GRIP1: variants seen among roughly 807,000 people sequenced by gnomAD.
GRIP1 encodes the protein glutamate receptor interacting protein 1.
A neutral mutation model predicts 129.9 loss-of-function variants in GRIP1; 45 were observed. The observed-to-expected ratio is 0.35, with a 90% CI of 0.27 to 0.44. The LOEUF (loss-of-function observed/expected upper bound fraction) is 0.44. GRIP1 is among the 20% of genes least tolerant of loss of function. The pLI, the probability that GRIP1 is intolerant of heterozygous loss-of-function variation, is 1.00. For missense variants in GRIP1, 1,196 were observed against 1,396.8 expected, an observed-to-expected ratio of 0.86 and a Z score of 2.29; for synonymous variants, 530 against 520.8, an observed-to-expected ratio of 1.02 and a Z score of -0.24.
intron 1 of GRIP1, among the ~76,000 whole-genome samples, chr12:66,997,329 G>A (rs1469708712): frequency 1.3e-5 from 2 of 151,796 alleles, no homozygotes; most frequent in Non-Finnish European, 2.9e-5. Flanking sequence ...CTGTAATTCT[G>A]GCTACTTGGA....
At chr12:66,889,041 T>C (rs2040612368) in intron 1 of GRIP1, among the ~76,000 whole-genome samples, 2 of 152,222 alleles carry the variant, frequency 1.3e-5, no homozygotes, top group Non-Finnish European at 2.9e-5. Context: ...TTACATGATT[T>C]GTCCAAAGAA....
At chr12:66,722,938 G>T (rs2036104649) in intron 1 of GRIP1, among the ~76,000 whole-genome samples, 1 of 151,798 alleles carries the variant, frequency 6.6e-6, no homozygotes, top group Non-Finnish European at 1.5e-5. Context: ...TTTTGCTAAA[G>T]TTATTTTTGA....
At chr12:66,583,034 G>T (rs1321799844) in intron 2 of GRIP1, among the ~76,000 whole-genome samples, 4 of 151,082 alleles carry the variant, frequency 2.6e-5, no homozygotes, top group Non-Finnish European at 6.0e-5. Context: ...AACCAAAACA[G>T]CATGGTACTG....
Position 66,406,348 on chromosome 12 carries a change from A to T in GRIP1, c.1919T>A (p.Val640Asp). Residue 640 changes from valine (V) to aspartate (D), a missense_variant, in exon 16 of 25, where the codon GTT becomes GAT. This residue lies in a region of GRIP1 where 508 missense variants were observed against 587.0 expected (regional missense o/e 0.87). Coordinates refer to ENST00000359742, the MANE Select transcript of GRIP1 (RefSeq NM_001366722.1). The part of the protein sequence containing the change: ...RLDNCSMEDA[V>D]QILQQCEDLV... ...GTCTTCACATTGCTGGAGGATCTGA[A>T]CTGCATCTTCCATGGAACAGTTGTC... 1 of 1,613,972 alleles carries T rather than the reference A, an allele frequency of 6.2e-7. No homozygotes were observed. The highest frequency in any genetic ancestry group is 8.5e-7 in the Non-Finnish European group (1 of 1,179,818).
intron 1 of GRIP1, among the ~76,000 whole-genome samples, chr12:66,654,665 T>C (rs950056467): frequency 6.6e-6 from 1 of 152,116 alleles, no homozygotes; most frequent in African/African-American, 2.4e-5. Flanking sequence ...GGTGGTAGCA[T>C]TTACTGGAAG....
At chr12:66,768,377 C>T (rs2037711367) in intron 1 of GRIP1, among the ~76,000 whole-genome samples, 2 of 152,312 alleles carry the variant, frequency 1.3e-5, no homozygotes, top group South Asian at 2.1e-4. Flanking sequence ...CACATACAAA[C>T]ACATGCAGCT....
At chr12:66,750,532 C>T (rs2037092866) in intron 1 of GRIP1, among the ~76,000 whole-genome samples, 1 of 152,130 alleles carries the variant, frequency 6.6e-6, no homozygotes, top group African/African-American at 2.4e-5. Flanking sequence ...GGTCACAGGT[C>T]CTGTAGGAAA....
intron 1 of GRIP1, among the ~76,000 whole-genome samples, chr12:67,045,903 T>A (rs2043246352): frequency 6.6e-6 from 1 of 152,272 alleles, no homozygotes. Context: ...AGAGACTGCA[T>A]CTGCACTGGC....
intron 14 of GRIP1, among the ~76,000 whole-genome samples, chr12:66,422,945 A>G (rs759887159): frequency 1.3e-5 from 2 of 152,188 alleles, no homozygotes; most frequent in Non-Finnish European, 2.9e-5. Flanking sequence ...GGGCCCAGTC[A>G]TGGTTTGTGT....
intron 1 of GRIP1, among the ~76,000 whole-genome samples, chr12:66,674,710 T>C (rs528534228): frequency 6.6e-6 from 1 of 152,310 alleles, no homozygotes; most frequent in Non-Finnish European, 1.5e-5. Context: ...TCAAGCATAA[T>C]GATTCCATGA....
At chr12:67,036,462 G>A (rs182690707) in intron 1 of GRIP1, among the ~76,000 whole-genome samples, 2 of 151,846 alleles carry the variant, frequency 1.3e-5, no homozygotes, top group Admixed American at 1.3e-4. Flanking sequence ...CAAGTAGCTG[G>A]GATTACAGGT....
At position 66,347,628 on chromosome 12, in the gene GRIP1, A is replaced by AAAT. The variant is rs886049789; in HGVS notation, c.*1388_*1390dup. On this transcript the variant is annotated 3_prime_UTR_variant, in exon 25 of 25. Transcript: ENST00000359742. ...TTTAATACTTGTTTGTTACAAATAA[A>AAAT]AATACATATTTAAGTGACTCATGAT... 13 of 152,364 alleles carry AAAT rather than the reference A, an allele frequency of 8.5e-5. No individual in the cohort carries two copies. The South Asian group carries it at 2.3e-3, about 27-fold the overall frequency. The allele number at this position is 152,364 out of a possible 1,614,324, so 9.4% of individuals were successfully genotyped here.
intron 1 of GRIP1, among the ~76,000 whole-genome samples, chr12:66,915,815 T>C (rs116922755): frequency 0.026 from 4,028 of 152,254 alleles, 90 homozygotes; most frequent in South Asian, 0.053. Flanking sequence ...GAGTTAGACA[T>C]TGGGGATGAG....
At chr12:66,819,938 T>C (rs894089944) in intron 1 of GRIP1, among the ~76,000 whole-genome samples, 1 of 152,134 alleles carries the variant, frequency 6.6e-6, no homozygotes, top group African/African-American at 2.4e-5. Context: ...TGTGCTGCAA[T>C]TGATGAATTT....
At chr12:66,570,297 T>G (rs1460195247) in intron 2 of GRIP1, among the ~76,000 whole-genome samples, 1 of 152,056 alleles carries the variant, frequency 6.6e-6, no homozygotes, top group Non-Finnish European at 1.5e-5. Context: ...TTTAAAATTT[T>G]TGTACAGGTA....
intron 23 of GRIP1, among the ~76,000 whole-genome samples, chr12:66,369,467 G>T (rs1005328259): frequency 1.4e-4 from 21 of 151,306 alleles, no homozygotes; most frequent in African/African-American, 5.1e-4. Flanking sequence ...TGAGAAAACA[G>T]GTCTTTTGTA....
chr12:66,694,546 T>C (rs1489601570), intron 1 of GRIP1, among the ~76,000 whole-genome samples: 7 of 152,230 alleles, frequency 4.6e-5, no homozygotes, highest in African/African-American at 9.6e-5. Flanking sequence ...TGTTATCATC[T>C]GCTAGCATCA....
intron 1 of GRIP1, among the ~76,000 whole-genome samples, chr12:66,835,967 G>C (rs552082468): frequency 3.3e-5 from 5 of 151,872 alleles, no homozygotes; most frequent in Non-Finnish European, 7.4e-5. Context: ...TGTGTATAGG[G>C]GGAGGGAACA....
Position 67,052,087 on chromosome 12 carries a change from T to A in GRIP1, c.58+16963A>T, listed in dbSNP as rs189436534. On this transcript the variant is annotated intron_variant, in intron 1 of 1. Transcript: ENST00000643019. ...AATCCTTTATCCAGGTATGTATTAT[T>A]CTATGACACGTTTGGAGGCCTTAAG... Among the ~76,000 whole-genome samples, 21 of 152,334 alleles carry A rather than the reference T, an allele frequency of 1.4e-4. No homozygotes were observed. The East Asian group carries it at 4.1e-3, about 29-fold the overall frequency.
Sources: allele counts gnomAD v4.1 joint callset (sites outside exome capture counted in the v4.1 genomes callset), GRCh38; gene constraint gnomAD v4.1.1; regional missense constraint gnomAD v4.1.1; transcripts MANE v1.5; gene names NCBI Gene and HGNC (gene_info 2026-07-23, HGNC 2026-07-21).